The following CMKLR2 variants were observed in gnomAD, a reference collection of about 807,000 sequenced individuals.
The protein encoded by CMKLR2 is chemerin chemokine-like receptor 2, also known as chemerin-like receptor 2.
CMKLR2 carries 18 observed loss-of-function variants against 23.0 expected under a neutral mutation model. The ratio of observed to expected loss-of-function variants is 0.78; its 90% CI spans 0.54 to 1.16. The LOEUF (loss-of-function observed/expected upper bound fraction) is 1.16, where lower values mean the gene tolerates loss of function less well. CMKLR2 is among the 50% of genes most tolerant of loss of function. The pLI, the probability that CMKLR2 is intolerant of heterozygous loss-of-function variation, is 0.00. For synonymous variants in CMKLR2, 158 were observed against 158.9 expected (o/e 0.99, Z 0.05); for missense variants, 401 against 412.7 (o/e 0.97, Z 0.25).
intron 1 of CMKLR2, among the ~76,000 whole-genome samples, chr2:206,181,134 T>G (rs1437379936): frequency 6.6e-6 from 1 of 151,724 alleles, no homozygotes; most frequent in Non-Finnish European, 1.5e-5. Context: ...CTCGGCTCAC[T>G]GCAACCTCTG....
intron 1 of CMKLR2, among the ~76,000 whole-genome samples, chr2:206,188,047 C>T (rs1688637520): frequency 6.6e-6 from 1 of 152,122 alleles, no homozygotes. Context: ...GCTCTTTGTG[C>T]CTCAGCCTCC....
intron 1 of CMKLR2, among the ~76,000 whole-genome samples, chr2:206,205,376 C>A (rs959752174): frequency 3.9e-5 from 6 of 152,024 alleles, no homozygotes; most frequent in Non-Finnish European, 5.9e-5. Context: ...GACTTTATTT[C>A]TTTCTTTTTT....
chr2:206,179,373 C>CCCCTCTG (rs1688337083), intron 1 of CMKLR2, among the ~76,000 whole-genome samples: 2 of 124,968 alleles, frequency 1.6e-5, no homozygotes, highest in Middle Eastern at 6.0e-3. Flanking sequence ...CCGCACCCAG[C>CCCCTCTG]CTTTTTTTTT....
intron 1 of CMKLR2, among the ~76,000 whole-genome samples, chr2:206,206,916 C>CATTTTT (rs1553516173): frequency 3.3e-5 from 1 of 30,684 alleles, no homozygotes; most frequent in Admixed American, 4.3e-4. Context: ...TCCCCCTGCC[C>CATTTTT]CTTTTTTTTT....
chr2:206,196,817 C>A (rs1001124947), intron 1 of CMKLR2, among the ~76,000 whole-genome samples: 5 of 152,164 alleles, frequency 3.3e-5, no homozygotes, highest in Non-Finnish European at 5.9e-5. Context: ...TTACAAGAAC[C>A]AAATTGCCAG....
At chr2:206,216,085 C>G (rs932792911), upstream of CMKLR2, among the ~76,000 whole-genome samples, 4 of 152,136 alleles carry the variant, frequency 2.6e-5, no homozygotes, top group African/African-American at 9.7e-5. Flanking sequence ...TCTAAAAAAC[C>G]ATTTGCAAAT....
intron 1 of CMKLR2, among the ~76,000 whole-genome samples, chr2:206,187,140 A>G (rs1200836345): frequency 2.0e-5 from 3 of 152,218 alleles, no homozygotes; most frequent in Admixed American, 6.5e-5. Context: ...TGAGGTAAGG[A>G]GTTCGAGACC....
rs1688251694 is a variant in CMKLR2 at position 206,177,037 on chromosome 2, C to T, written c.211G>A (p.Val71Ile). ...AGATTGAGGAACCACAGAGTGGTGA[C>T]TGTCTTCTTCCACTTGAACCCCGTG... Reference protein sequence around the residue: ...WFTGFKWKKTVTTLWFLNLAI... With the variant: ...WFTGFKWKKTITTLWFLNLAI... Residue 71 changes from valine (V) to isoleucine (I), a missense_variant, in exon 2 of 2, where the codon GTC becomes ATC. Coordinates refer to ENST00000621141, the MANE Select transcript of CMKLR2 (RefSeq NM_001389445.1). The T allele has an allele frequency of 6.2e-7, 1 of 1,614,072 alleles. No homozygotes were observed. The highest frequency in any genetic ancestry group is 1.3e-5 in the African/African-American group (1 of 74,920).
At position 206,176,584 on chromosome 2, in the gene CMKLR2, T is replaced by C. The variant is rs1576029146; in HGVS notation, c.664A>G (p.Met222Val). The part of the protein sequence containing the change: ...IIGYLFPLLT[M>V]SICYLCLIFK... Reference sequence around the variant, plus strand: ...ATGAGACACAAGTAGCAAATACTCATTGTTAGCAAAGGGAAGAGATAGCCA... The same window carrying C: ...ATGAGACACAAGTAGCAAATACTCACTGTTAGCAAAGGGAAGAGATAGCCA... Residue 222 changes from methionine (M) to valine (V), a missense_variant, in exon 2 of 2, where the codon ATG (methionine) becomes GTG (valine). By Grantham distance (21) the Met-to-Val change is conservative (BLOSUM62 1). Coordinates refer to ENST00000621141, the MANE Select transcript of CMKLR2 (RefSeq NM_001389445.1). 2 of 1,614,142 alleles carry C rather than the reference T, an allele frequency of 1.2e-6. No individual in the cohort carries two copies. The highest frequency in any genetic ancestry group is 1.7e-6 in the Non-Finnish European group (2 of 1,180,038).
intron 1 of CMKLR2, among the ~76,000 whole-genome samples, chr2:206,201,926 G>A (rs761728844): frequency 6.6e-6 from 1 of 152,166 alleles, no homozygotes; most frequent in Non-Finnish European, 1.5e-5. Flanking sequence ...TTTTTCAAAT[G>A]CCCAAGGGCT....
chr2:206,199,454 A>G (rs543709918), intron 1 of CMKLR2, among the ~76,000 whole-genome samples: 1 of 152,184 alleles, frequency 6.6e-6, no homozygotes, highest in Non-Finnish European at 1.5e-5. Flanking sequence ...GCACATGCGC[A>G]AGAAAGAATG....
chr2:206,177,171 G>A lies in CMKLR2; in HGVS notation c.77C>T (p.Ser26Phe). 1 of 1,613,824 alleles carries A rather than the reference G, an allele frequency of 6.2e-7. No individual in the cohort carries two copies. The highest frequency in any genetic ancestry group is 8.5e-7 in the Non-Finnish European group (1 of 1,179,748). ...SYDLDYYSLESDLEEKVQLGV... is the reference protein window; with the variant it reads ...SYDLDYYSLEFDLEEKVQLGV... ...CAGCTGGACTTTCTCCTCCAAATCAGACTCCAGAGAGTAATAGTCTAGGTC... is the reference window on the plus strand; with the variant it reads ...CAGCTGGACTTTCTCCTCCAAATCAAACTCCAGAGAGTAATAGTCTAGGTC... Residue 26 changes from serine (S) to phenylalanine (F), a missense_variant, in exon 2 of 2, where the codon TCT (serine) becomes TTT (phenylalanine). Coordinates refer to ENST00000621141, the MANE Select transcript of CMKLR2 (RefSeq NM_001389445.1).
intron 1 of CMKLR2, among the ~76,000 whole-genome samples, chr2:206,183,336 C>T (rs759513691): frequency 4.6e-5 from 7 of 152,196 alleles, no homozygotes; most frequent in African/African-American, 7.2e-5. Context: ...CAGGAGCCTC[C>T]CCTTCCAATG....
chr2:206,214,405 C>T (rs1689682310), upstream of CMKLR2, among the ~76,000 whole-genome samples: 1 of 151,760 alleles, frequency 6.6e-6, no homozygotes, highest in South Asian at 2.1e-4. Context: ...AATTTCTGAC[C>T]CACCTCGGTC....
upstream of CMKLR2, among the ~76,000 whole-genome samples, chr2:206,216,529 G>C (rs756093721): frequency 1.1e-4 from 17 of 152,108 alleles, no homozygotes; most frequent in Non-Finnish European, 1.8e-4. Flanking sequence ...TAATCCTCCT[G>C]CCTCAGCCTC....
rs1220325068 is a variant in CMKLR2 at position 206,175,518 on chromosome 2, A to G, written c.*662T>C. ...TCTATTTTATTTATTTATTTTTGAG[A>G]CAGAGTTTTACTCTTGTTGCCCAGG... On this transcript the variant is annotated 3_prime_UTR_variant, in exon 2 of 2. Transcript: ENST00000621141. 1 of 152,154 alleles carries G rather than the reference A, an allele frequency of 6.6e-6. No homozygotes were observed. Among genetic ancestry groups the G allele is most frequent in the Non-Finnish European group, 1.5e-5 (1 of 68,036 alleles). 9.4% of individuals were successfully genotyped at this position (152,154 alleles called of 1,614,324 possible).
chr2:206,186,088 C>T (rs1004065662), intron 1 of CMKLR2, among the ~76,000 whole-genome samples: 11 of 150,412 alleles, frequency 7.3e-5, no homozygotes, highest in African/African-American at 2.4e-4. Flanking sequence ...ATTTTTTTCT[C>T]ACAAAACCGT....
chr2:206,186,741 G>A (rs1450047547), intron 1 of CMKLR2, among the ~76,000 whole-genome samples: 3 of 150,898 alleles, frequency 2.0e-5, no homozygotes, highest in Non-Finnish European at 4.4e-5. Context: ...AGGTTTTGCA[G>A]TTGACTATGG....
At chr2:206,212,769 A>G (rs369993175) in intron 1 of CMKLR2, among the ~76,000 whole-genome samples, 113 of 152,308 alleles carry the variant, frequency 7.4e-4, no homozygotes, top group African/African-American at 2.5e-3. Flanking sequence ...ACAAACCACA[A>G]GCCTTTCATC....
Sources: allele counts gnomAD v4.1 joint callset (sites outside exome capture counted in the v4.1 genomes callset), GRCh38; gene constraint gnomAD v4.1.1; transcripts MANE v1.5; gene names NCBI Gene and HGNC (gene_info 2026-07-23, HGNC 2026-07-21).